LEFTY2: variants seen among roughly 807,000 people sequenced by gnomAD.
The protein encoded by LEFTY2 is TGF-beta-4.
In LEFTY2, 10 loss-of-function variants were observed where a neutral mutation model predicts 26.4. The observed-to-expected ratio is 0.38, with a 90% CI of 0.23 to 0.64. The LOEUF (loss-of-function observed/expected upper bound fraction) is 0.64, where lower values mean the gene tolerates loss of function less well. Ranked by LOEUF, LEFTY2 falls within the 30% of genes least tolerant of loss-of-function variation. The pLI is 0.56. For missense variants in LEFTY2, 407 were observed against 502.1 expected (o/e 0.81, Z 1.81); for synonymous variants, 204 against 234.1 (o/e 0.87, Z 1.17).
intron 3 of LEFTY2, among the ~76,000 whole-genome samples, chr1:225,938,135 G>A (rs547922000): frequency 4.6e-5 from 7 of 152,316 alleles, no homozygotes; most frequent in African/African-American, 1.7e-4. Flanking sequence ...GGTGTTCGGT[G>A]ATGGGCCAGA....
chr1:225,940,845 T>G (rs1166353604), intron 1 of LEFTY2, 46 bp downstream of exon 1: 2 of 1,612,276 alleles, frequency 1.2e-6, no homozygotes, highest in South Asian at 2.2e-5. Flanking sequence ...ACAACCGGCC[T>G]GCCCCCGACC....
rs748850344 is a variant in LEFTY2, at chr1:225,937,561, G to T, written c.981C>A (p.Ile327=). ...TCCTGCCTCCCTCCTTGATGCTGAC[G>T]ATCATGGGCAGCGAGGCAGTCTCCG... The part of the protein sequence containing the change: ...IASETASLPM[I]VSIKEGGRTR... Residue 327 remains isoleucine (I), a synonymous_variant, in exon 4 of 4, where the codon ATC becomes ATA. Transcript: ENST00000366820. 3 of 1,613,920 alleles carry T rather than the reference G, an allele frequency of 1.9e-6. No individual in the cohort carries two copies. The highest frequency in any genetic ancestry group is 1.7e-5 in the Admixed American group (1 of 60,000).
At chr1:225,940,472 C>A (rs1672293841) in intron 1 of LEFTY2, among the ~76,000 whole-genome samples, 1 of 152,234 alleles carries the variant, frequency 6.6e-6, no homozygotes, top group South Asian at 2.1e-4. Flanking sequence ...TACCCCTGTT[C>A]CAGATGAGCA....
Position 225,937,528 on chromosome 1 carries a change from G to A in LEFTY2, c.1014C>T (p.Pro338=). ...VSIKEGGRTR[P]QVVSLPNMRV... is the part of the protein sequence containing the mutation. ...TCATGTTGGGCAGGCTGACCACCTG[G>A]GGCCTGGTCCTGCCTCCCTCCTTGA... Residue 338 remains proline (P), a synonymous_variant, in exon 4 of 4, where the codon CCC becomes CCT. Transcript: ENST00000366820. The A allele has an allele frequency of 6.2e-7, 1 of 1,614,010 alleles. No homozygotes were observed. The highest frequency in any genetic ancestry group is 8.5e-7 in the Non-Finnish European group (1 of 1,180,036).
At chr1:225,938,478 C>T (rs1672210738) in intron 3 of LEFTY2, among the ~76,000 whole-genome samples, 1 of 152,040 alleles carries the variant, frequency 6.6e-6, no homozygotes, top group South Asian at 2.1e-4. Context: ...CACAGCCTCC[C>T]AAGTAGCTGG....
Position 225,937,657 on chromosome 1 carries a change from G to A in LEFTY2, c.885C>T (p.Gly295=). The A allele has an allele frequency of 1.9e-6, 3 of 1,614,114 alleles. No homozygotes were observed. The highest frequency in any genetic ancestry group is 1.7e-5 in the Admixed American group (1 of 60,026). ...GGGCCTCCGGGGGCTGCTGGCAGGT[G>A]CCCACACACTCGTAAGCCAGGAAGC... is the stretch of plus-strand genomic sequence containing the variant. The part of the protein sequence containing the change: ...PPGFLAYECV[G]TCQQPPEALA... The change falls in exon 4 of 4, where the codon GGC becomes GGT. Residue 295 remains glycine (G), a synonymous_variant. Coordinates refer to ENST00000366820, the MANE Select transcript of LEFTY2 (RefSeq NM_003240.5).
At position 225,941,005 on chromosome 1, in the gene LEFTY2, C is replaced by T; in HGVS notation, c.136G>A (p.Ala46Thr). ...QLSEVPVLDR[A>T]DMEKLVIPAH... ...GGGATGACCAGCTTCTCCATGTCGG[C>T]CCTGTCCAGTACGGGCACCTCGCTG... Residue 46 changes from alanine (A) to threonine (T), a missense_variant, in exon 1 of 4, where the codon GCC (alanine) becomes ACC (threonine). Coordinates refer to ENST00000366820, the MANE Select transcript of LEFTY2 (RefSeq NM_003240.5). 6.2e-7 allele frequency: 1 copy of T among 1,613,480 alleles called. No individual in the cohort carries two copies. The highest frequency in any genetic ancestry group is 1.1e-5 in the South Asian group (1 of 91,080).
rs543240181 is a variant in LEFTY2, at chr1:225,936,870, G to T, written c.*571C>A. On this transcript the variant is annotated 3_prime_UTR_variant, in exon 4 of 4. Coordinates refer to ENST00000366820, the MANE Select transcript of LEFTY2 (RefSeq NM_003240.5). Reference sequence around the variant, plus strand: ...GAAATGACGAGCCAAAGCCTTCTGCGTTTGTTAGAGATCCTAGCTTGTGGC... The same window carrying T: ...GAAATGACGAGCCAAAGCCTTCTGCTTTTGTTAGAGATCCTAGCTTGTGGC... 4 of 156,186 alleles carry T rather than the reference G, an allele frequency of 2.6e-5. No individual in the cohort carries two copies. The highest frequency in any genetic ancestry group is 9.7e-5 in the African/African-American group (4 of 41,412). The allele number at this position is 156,186 out of a possible 1,614,324, so 9.7% of individuals were successfully genotyped here.
chr1:225,938,387 A>G (rs182178707), intron 3 of LEFTY2, among the ~76,000 whole-genome samples: 7 of 152,398 alleles, frequency 4.6e-5, no homozygotes, highest in Admixed American at 3.9e-4. Context: ...AATCGTGTAT[A>G]TGGAGTCAAT....
At position 225,937,342 on chromosome 1, in the gene LEFTY2, T is replaced by C; in HGVS notation, c.*99A>G. 4.4e-6 allele frequency: 7 copies of C among 1,588,084 alleles called. No homozygotes were observed. Among genetic ancestry groups the C allele is most frequent in the South Asian group, 3.3e-5 (3 of 90,276 alleles). On this transcript the variant is annotated 3_prime_UTR_variant, in exon 4 of 4. Transcript: ENST00000366820. Reference sequence around the variant, plus strand: ...GCGAAGGTCACACAGGAGCACTAAATTGGGATGGAGTAACTTGCTAAGTAT... The same window carrying C: ...GCGAAGGTCACACAGGAGCACTAAACTGGGATGGAGTAACTTGCTAAGTAT...
In LEFTY2 at chr1:225,939,528, C is replaced by T; in HGVS notation, c.570G>A (p.Leu190=). 1.9e-6 allele frequency: 3 copies of T among 1,611,276 alleles called. No individual in the cohort carries two copies. The highest frequency in any genetic ancestry group is 2.5e-6 in the Non-Finnish European group (3 of 1,179,654). ...GCAGCAGCGGCTGCCGGGGCCGGCT[C>T]AGCTGCTGCCAGAAGTTCACGGCCT... is the stretch of plus-strand genomic sequence containing the variant. ...VTEAVNFWQQ[L]SRPRQPLLLQ... is the part of the protein sequence containing the mutation. The change falls in exon 3 of 4, where the codon CTG becomes CTA. Residue 190 remains leucine (L), a synonymous_variant. Transcript: ENST00000366820. This position sits in a 1 kb window ranked among gnomAD's most constrained non-coding sequence, Gnocchi z 4.1.
rs773881949 is a variant in LEFTY2, at chr1:225,937,073, T to C, written c.*368A>G. ...GATTTGAAGGTTTTAATTCCTCATA[T>C]AACACAGCAATTCAGTTCTGTTTCC... On this transcript the variant is annotated 3_prime_UTR_variant, in exon 4 of 4. Coordinates refer to ENST00000366820, the MANE Select transcript of LEFTY2 (RefSeq NM_003240.5). 3.5e-5 allele frequency: 13 copies of C among 369,130 alleles called. No individual in the cohort carries two copies. The highest frequency in any genetic ancestry group is 5.6e-5 in the Non-Finnish European group (11 of 196,346). The allele number at this position is 369,130 out of a possible 1,614,324, so 22.9% of individuals were successfully genotyped here.
chr1:225,937,098 C>T lies in LEFTY2; in HGVS notation c.*343G>A. On this transcript the variant is annotated 3_prime_UTR_variant, in exon 4 of 4. Coordinates refer to ENST00000366820, the MANE Select transcript of LEFTY2 (RefSeq NM_003240.5). ...TAACACAGCAATTCAGTTCTGTTTCCCCAGTTCTAATCATAGGGTATTATT... is the reference window on the plus strand; with the variant it reads ...TAACACAGCAATTCAGTTCTGTTTCTCCAGTTCTAATCATAGGGTATTATT... 4.8e-6 allele frequency: 2 copies of T among 419,224 alleles called. No homozygotes were observed. The highest frequency in any genetic ancestry group is 8.8e-6 in the Non-Finnish European group (2 of 226,574). 26.0% of individuals were successfully genotyped at this position (419,224 alleles called of 1,614,324 possible). A position where few individuals can be genotyped will look rare whatever the true frequency, so the allele number is the denominator to read the frequency against.
rs555615913 is a variant in LEFTY2 at position 225,940,751 on chromosome 1, C to T, written c.250+140G>A. The T allele has an allele frequency of 2.0e-5, 27 of 1,333,602 alleles. No homozygotes were observed. The East Asian group carries it at 6.1e-4, about 30-fold the overall frequency. 82.6% of individuals were successfully genotyped at this position (1,333,602 alleles called of 1,614,324 possible). A position where few individuals can be genotyped will look rare whatever the true frequency, so the allele number is the denominator to read the frequency against. ...CCTGGACCCAGGCCCGGCTCCTCCT[C>T]ACTGCTCCTTGGACCGTGGCCCTCA... On this transcript the variant is annotated intron_variant, in intron 1 of 3. Transcript: ENST00000366820.
chr1:225,939,711 C>T lies in LEFTY2; in HGVS notation c.497+45G>A, dbSNP rs747461806. ...CTGCGTCCCCGCCCCCAAGCCGGGC[C>T]GAGCAGCCTCCTACTCCTGCCCTGC... On this transcript the variant is annotated intron_variant, in intron 2 of 3. Coordinates refer to ENST00000366820, the MANE Select transcript of LEFTY2 (RefSeq NM_003240.5). The surrounding 1 kb of genome is among the most constrained non-coding windows in gnomAD (Gnocchi z 4.1). 85 of 1,606,898 alleles carry T rather than the reference C, an allele frequency of 5.3e-5. 1 individual carries two copies. In the Admixed American group the frequency reaches 1.4e-3, roughly 26 times the overall value.
chr1:225,940,968 C>T lies in LEFTY2; in HGVS notation c.173G>A (p.Arg58Lys), dbSNP rs1672311148. The stretch of plus-strand genomic sequence containing the variant: ...CCGCAGCAGGACTACATACTGGGCC[C>T]TCACGTGGGCGGGGATGACCAGCTT... ...MEKLVIPAHV[R>K]AQYVVLLRRS... is the part of the protein sequence containing the mutation. Residue 58 changes from arginine to lysine, a missense_variant, in exon 1 of 4, where the codon AGG becomes AAG. Transcript: ENST00000366820. 1 of 1,613,608 alleles carries T rather than the reference C, an allele frequency of 6.2e-7. No individual in the cohort carries two copies. Among genetic ancestry groups the T allele is most frequent in the African/African-American group, 1.3e-5 (1 of 74,920 alleles).
intron 1 of LEFTY2, 133 bp downstream of exon 1, chr1:225,940,758 C>G: frequency 2.1e-6 from 3 of 1,397,556 alleles, no homozygotes; most frequent in Non-Finnish European, 3.0e-6. Context: ...CCTCACTGCT[C>G]CTTGGACCGT....
In LEFTY2 at chr1:225,940,895, G is replaced by T. The variant is rs1672306540; in HGVS notation, c.246C>A (p.Phe82Leu). Reference sequence around the variant, plus strand: ...AGCAGGGAGGGAGGGTCTCACCTCGGAAGCTCTGGCTGAACCTCTTTCCGC... The same window carrying T: ...AGCAGGGAGGGAGGGTCTCACCTCGTAAGCTCTGGCTGAACCTCTTTCCGC... ...RSRGKRFSQS[F>L]REVAGRFLAS... Residue 82 changes from phenylalanine (F) to leucine (L), a missense_variant, in exon 1 of 4, where the codon TTC (phenylalanine) becomes TTA (leucine). Phe to Leu is a conservative substitution (Grantham distance 22). Transcript: ENST00000366820. 1 of 1,613,328 alleles carries T rather than the reference G, an allele frequency of 6.2e-7. No homozygotes were observed. Among genetic ancestry groups the T allele is most frequent in the South Asian group, 1.1e-5 (1 of 91,066 alleles).
Position 225,937,003 on chromosome 1 carries a change from A to T in LEFTY2, c.*438T>A. The T allele has an allele frequency of 4.2e-6, 1 of 236,356 alleles. No homozygotes were observed. Among genetic ancestry groups the T allele is most frequent in the Non-Finnish European group, 8.4e-6 (1 of 119,008 alleles). The allele number at this position is 236,356 out of a possible 1,614,324, so 14.6% of individuals were successfully genotyped here. Reference sequence around the variant, plus strand: ...CTCTCAGGGGAACAGGGGCCTAGGTATGTTTACAAAAGTCCAGAATGGGTC... The same window carrying T: ...CTCTCAGGGGAACAGGGGCCTAGGTTTGTTTACAAAAGTCCAGAATGGGTC... On this transcript the variant is annotated 3_prime_UTR_variant, in exon 4 of 4. Coordinates refer to ENST00000366820, the MANE Select transcript of LEFTY2 (RefSeq NM_003240.5).
Sources: allele counts gnomAD v4.1 joint callset (sites outside exome capture counted in the v4.1 genomes callset), GRCh38; gene constraint gnomAD v4.1.1; non-coding constraint Gnocchi (gnomAD v3.1); transcripts MANE v1.5; gene names NCBI Gene and HGNC (gene_info 2026-07-23, HGNC 2026-07-21).